The following OTOGL variants were observed in gnomAD, a reference collection of about 807,000 sequenced individuals.
OTOGL encodes otogelin like, also known as otogelin-like protein.
In OTOGL, 285 loss-of-function variants were observed where a neutral mutation model predicts 318.5. The observed-to-expected ratio is 0.89, with a 90% CI of 0.81 to 0.99. The LOEUF (loss-of-function observed/expected upper bound fraction) is 0.99. Among genes scored for constraint, OTOGL ranks in the 50% least tolerant of loss-of-function variants. OTOGL has a pLI of 0.00. For synonymous variants in OTOGL, 987 were observed against 936.5 expected (o/e 1.05, Z -0.99); for missense variants, 2,899 against 2,845.6 (o/e 1.02, Z -0.43).
chr12:80,232,631 A>T (rs1181944115), intron 8 of OTOGL, among the ~76,000 whole-genome samples: 2 of 152,194 alleles, frequency 1.3e-5, no homozygotes, highest in African/African-American at 2.4e-5. Context: ...TGGTTCAAAG[A>T]AGCATCTAAT....
intron 1 of OTOGL, chr12:80,102,847 CT>C (rs1381070550): frequency 1.1e-5 from 8 of 710,550 alleles, no homozygotes; most frequent in South Asian, 3.2e-5. Flanking sequence ...TAAGGCTCTT[CT>C]TTTTTTTCTC....
intron 1 of OTOGL, among the ~76,000 whole-genome samples, chr12:80,196,900 C>T (rs934536088): frequency 7.2e-5 from 11 of 152,100 alleles, no homozygotes; most frequent in African/African-American, 2.7e-4. Flanking sequence ...AGGGGGTGGT[C>T]GGACATGCCT....
intron 43 of OTOGL, among the ~76,000 whole-genome samples, chr12:80,339,725 C>T (rs1044898127): frequency 2.0e-5 from 3 of 151,822 alleles, no homozygotes; most frequent in Non-Finnish European, 4.4e-5. Context: ...TCAGGGAAAA[C>T]TTGTTTAAGT....
chr12:80,308,118 G>T (rs1057455348), intron 29 of OTOGL, among the ~76,000 whole-genome samples: 1 of 149,494 alleles, frequency 6.7e-6, no homozygotes, highest in Non-Finnish European at 1.5e-5. Flanking sequence ...CCTCCCTCCC[G>T]GACGGGGCGG....
chr12:80,139,037 G>A (rs549306831), intron 1 of OTOGL, among the ~76,000 whole-genome samples: 24 of 152,196 alleles, frequency 1.6e-4, no homozygotes, highest in East Asian at 1.2e-3. Flanking sequence ...CCCTTATAGC[G>A]AGGGTCCTAT....
intron 4 of OTOGL, among the ~76,000 whole-genome samples, chr12:80,213,975 G>A (rs1877482799): frequency 6.6e-6 from 1 of 152,172 alleles, no homozygotes; most frequent in African/African-American, 2.4e-5. Flanking sequence ...GAGCAAGAAA[G>A]GGTAAACGCA....
At chr12:80,241,390 A>AT (rs964745493) in intron 11 of OTOGL, among the ~76,000 whole-genome samples, 4 of 152,030 alleles carry the variant, frequency 2.6e-5, no homozygotes, top group Non-Finnish European at 4.4e-5. Context: ...CTTACTATAT[A>AT]TTTTTTAAAA....
intron 9 of OTOGL, among the ~76,000 whole-genome samples, chr12:80,236,947 T>C (rs1468505540): frequency 3.3e-5 from 5 of 151,810 alleles, no homozygotes; most frequent in African/African-American, 1.2e-4. Context: ...CCTGAGTAGC[T>C]GGGATTACAG....
chr12:80,376,566 C>A (rs1157104961), intron 57 of OTOGL, among the ~76,000 whole-genome samples: 1 of 151,970 alleles, frequency 6.6e-6, no homozygotes, highest in Non-Finnish European at 1.5e-5. Context: ...TATAAAAGAC[C>A]ATTTCAGAGC....
At chr12:80,343,509 GTTTTTTTTTTTT>G (rs58046272) in intron 44 of OTOGL, 22 of 35,862 alleles carry the variant, frequency 6.1e-4, no homozygotes, top group African/African-American at 2.1e-3. Context: ...TTTTATTCTT[GTTTTTTTTTTTT>G]TTTTTTTTTT....
chr12:80,202,129 ACTC>A (rs1378382974), intron 1 of OTOGL, among the ~76,000 whole-genome samples: 1 of 151,824 alleles, frequency 6.6e-6, no homozygotes, highest in African/African-American at 2.4e-5. Flanking sequence ...CTTAGTTCTG[ACTC>A]CTCATAGCAG....
chr12:80,238,118 C>T (rs563220636), intron 9 of OTOGL, among the ~76,000 whole-genome samples: 1 of 152,300 alleles, frequency 6.6e-6, no homozygotes, highest in Admixed American at 6.5e-5. Context: ...ACAGAGAGCA[C>T]TCTGTTGAGT....
At chr12:80,339,841 C>T (rs577030101) in intron 43 of OTOGL, among the ~76,000 whole-genome samples, 8 of 152,052 alleles carry the variant, frequency 5.3e-5, no homozygotes, top group Non-Finnish European at 1.0e-4. Flanking sequence ...ATGTATTACA[C>T]AGATATATGA....
chr12:80,338,942 G>A (rs373338832), intron 42 of OTOGL, 133 bp from the exon 43 acceptor site: 1 of 721,518 alleles, frequency 1.4e-6, no homozygotes, highest in Non-Finnish European at 2.2e-6. Context: ...AGCTGTGGCA[G>A]CAGTAAGAAA....
At chr12:80,199,654 A>T (rs528784275) in intron 1 of OTOGL, among the ~76,000 whole-genome samples, 1 of 152,280 alleles carries the variant, frequency 6.6e-6, no homozygotes, top group East Asian at 1.9e-4. Flanking sequence ...TTATATTAAT[A>T]ATTATTAATA....
chr12:80,269,717 G>A (rs1176008154), intron 22 of OTOGL, among the ~76,000 whole-genome samples: 1 of 152,142 alleles, frequency 6.6e-6, no homozygotes, highest in Admixed American at 6.6e-5. Flanking sequence ...GTTGCCAACA[G>A]ATTTTAAAAA....
At chr12:80,221,806 T>C (rs1443082537) in intron 6 of OTOGL, among the ~76,000 whole-genome samples, 1 of 152,214 alleles carries the variant, frequency 6.6e-6, no homozygotes, top group African/African-American at 2.4e-5. Context: ...TGAATTATTT[T>C]CCATACTCCT....
intron 44 of OTOGL, chr12:80,343,478 A>AT (rs558399983): frequency 6.1e-4 from 26 of 42,488 alleles, no homozygotes; most frequent in African/African-American, 2.2e-3. Context: ...CATTTTTATT[A>AT]TTTTTTACAT....
intron 7 of OTOGL, among the ~76,000 whole-genome samples, chr12:80,224,203 GT>G (rs1878615738): frequency 1.3e-5 from 2 of 152,038 alleles, no homozygotes; most frequent in African/African-American, 4.8e-5. Context: ...CCCACTTTAT[GT>G]TTTTGTTTAC....
Sources: gnomAD v4.1 joint callset for allele counts (sites outside exome capture counted in the v4.1 genomes callset) on GRCh38, gnomAD v4.1.1 for gene constraint, MANE v1.5 for transcripts, NCBI Gene and HGNC (gene_info 2026-07-23, HGNC 2026-07-21) for gene names.